The following GNG2 variants were observed in gnomAD, a reference collection of about 807,000 sequenced individuals.
GNG2 encodes G protein subunit gamma 2.
A neutral mutation model predicts 5.5 loss-of-function variants in GNG2; 5 were observed. The observed-to-expected ratio is 0.91, with a 90% CI of 0.48 to 1.92. The LOEUF is 1.92. Ranked by LOEUF, GNG2 falls within the 30% of genes most tolerant of loss-of-function variation. GNG2 has a pLI of 0.01. For synonymous variants in GNG2, 28 were observed against 32.0 expected (o/e 0.88, Z 0.42); for missense variants, 55 against 88.4 (o/e 0.62, Z 1.52).
Position 51,925,190 on chromosome 14 carries a change from T to C in GNG2, c.-29-25460T>C, listed in dbSNP as rs138632087. ...TATGCTAATTACCTTGATTTGATCA[T>C]TGCATGTTGTATACATGTATGAAAA... is the stretch of plus-strand genomic sequence containing the variant. On this transcript the variant is annotated intron_variant, in intron 2 of 3. Coordinates refer to ENST00000556766, the MANE Select transcript of GNG2 (RefSeq NM_053064.5). Among the ~76,000 whole-genome samples, 240 of 152,356 alleles carry C rather than the reference T, an allele frequency of 1.6e-3. 2 individuals are homozygous for C. Among genetic ancestry groups the C allele is most frequent in the African/African-American group, 5.5e-3 (229 of 41,586 alleles).
chr14:51,951,671 A>G (rs557607276), intron 3 of GNG2, among the ~76,000 whole-genome samples: 1 of 152,342 alleles, frequency 6.6e-6, no homozygotes, highest in Non-Finnish European at 1.5e-5. Context: ...CACCTGGGCA[A>G]TCCAGCTGTC....
chr14:51,828,582 T>C (rs2140068592), intron 2 of GNG2, among the ~76,000 whole-genome samples: 1 of 152,120 alleles, frequency 6.6e-6, no homozygotes, highest in Admixed American at 6.5e-5. Flanking sequence ...TTATGATATC[T>C]GTCTGACTCA....
chr14:51,848,884 T>A (rs11621139), intron 2 of GNG2, among the ~76,000 whole-genome samples: 1 of 152,190 alleles, frequency 6.6e-6, no homozygotes, highest in East Asian at 1.9e-4. Flanking sequence ...GACCTCACTT[T>A]CTACCCGCTG....
intron 2 of GNG2, among the ~76,000 whole-genome samples, chr14:51,895,848 A>C (rs117523159): frequency 0.028 from 4,292 of 152,282 alleles, 226 homozygotes; most frequent in East Asian, 0.2. Context: ...TGGGTCCCAC[A>C]AGATCTGATG....
At chr14:51,855,776 G>T (rs1157830903), upstream of GNG2, among the ~76,000 whole-genome samples, 1 of 152,104 alleles carries the variant, frequency 6.6e-6, no homozygotes, top group Admixed American at 6.5e-5. Context: ...ACAGCTGATG[G>T]CTCCTTTCTG....
intron 2 of GNG2, among the ~76,000 whole-genome samples, chr14:51,891,551 C>G (rs1294981727): frequency 2.0e-5 from 3 of 152,210 alleles, no homozygotes; most frequent in Non-Finnish European, 2.9e-5. Flanking sequence ...ATGCTTCTCT[C>G]CAATTCCATC....
chr14:51,886,777 G>A (rs953682331), intron 2 of GNG2, among the ~76,000 whole-genome samples: 13 of 152,110 alleles, frequency 8.5e-5, no homozygotes, highest in Non-Finnish European at 1.6e-4. Context: ...TATTCTGATC[G>A]CCTGCTCATG....
chr14:51,827,900 C>T, intron 2 of GNG2: 1 of 606,278 alleles, frequency 1.6e-6, no homozygotes, highest in Non-Finnish European at 2.9e-6. Flanking sequence ...GAGTAAAGAG[C>T]TTGGAGAGAG....
At chr14:51,847,415 T>G (rs1228811962) in intron 2 of GNG2, 5 of 152,284 alleles carry the variant, frequency 3.3e-5, no homozygotes, top group Admixed American at 6.5e-5. Context: ...CCTCTTGGTT[T>G]GGGTGGGGGC....
chr14:51,890,220 G>A (rs1884758498), intron 2 of GNG2, among the ~76,000 whole-genome samples: 1 of 152,154 alleles, frequency 6.6e-6, no homozygotes, highest in Admixed American at 6.5e-5. Flanking sequence ...CCGCTCAACT[G>A]CTGTGAATCA....
At chr14:51,864,968 C>A (rs991436516) in intron 1 of GNG2, among the ~76,000 whole-genome samples, 2 of 152,260 alleles carry the variant, frequency 1.3e-5, no homozygotes, top group Non-Finnish European at 2.9e-5. Context: ...ACAGATTTTA[C>A]TCCTAATCCT....
At chr14:51,881,701 CTTTTTTTTTTTT>C (rs58544362) in intron 2 of GNG2, among the ~76,000 whole-genome samples, 3 of 104,222 alleles carry the variant, frequency 2.9e-5, no homozygotes, top group Non-Finnish European at 5.6e-5. Flanking sequence ...AGCTGGAAGA[CTTTTTTTTTTTT>C]TTTTTTTTTT....
chr14:51,872,923 AT>A (rs1035259843), intron 1 of GNG2, among the ~76,000 whole-genome samples: 7 of 152,198 alleles, frequency 4.6e-5, no homozygotes, highest in Non-Finnish European at 8.8e-5. Flanking sequence ...GTACCCACAG[AT>A]TTAGGCTGTT....
chr14:51,853,205 TAACA>T (rs1157117803), intron 2 of GNG2, among the ~76,000 whole-genome samples: 2 of 152,208 alleles, frequency 1.3e-5, no homozygotes, highest in Non-Finnish European at 2.9e-5. Flanking sequence ...CAGTTAAAGT[TAACA>T]AACAAATACT....
intron 3 of GNG2, among the ~76,000 whole-genome samples, chr14:51,954,491 T>G (rs1044601905): frequency 7.9e-5 from 12 of 152,160 alleles, no homozygotes; most frequent in Middle Eastern, 3.2e-3. Context: ...CTTCAGTAAA[T>G]CTGTTTATTC....
rs1491190360 is a variant in GNG2, at chr14:51,911,873, T to TG, written c.-30+34216_-30+34217insG. Among the ~76,000 whole-genome samples the TG allele has an allele frequency of 7.9e-5, 11 of 139,054 alleles. 2 individuals are homozygous for TG. The highest frequency in any genetic ancestry group is 2.3e-4 in the South Asian group (1 of 4,368). 91.2% of individuals were successfully genotyped at this position (139,054 alleles called of 152,430 possible). A position where few individuals can be genotyped will look rare whatever the true frequency, so the allele number is the denominator to read the frequency against. On this transcript the variant is annotated intron_variant, in intron 2 of 3. Transcript: ENST00000556766. ...CTGATAGCCTTTTCTTATGTTTTTTTTTTTTGTTGTTATTGTTAGATTAAA... is the reference window on the plus strand; with the variant it reads ...CTGATAGCCTTTTCTTATGTTTTTTTGTTTTTGTTGTTATTGTTAGATTAAA...
chr14:51,953,163 C>T (rs1443272227), intron 3 of GNG2, among the ~76,000 whole-genome samples: 1 of 152,152 alleles, frequency 6.6e-6, no homozygotes, highest in East Asian at 1.9e-4. Context: ...TTATTAGGTC[C>T]TTTAAAAAGT....
chr14:51,841,500 T>C, intron 2 of GNG2: 1 of 701,826 alleles, frequency 1.4e-6, no homozygotes, highest in Non-Finnish European at 2.6e-6. Flanking sequence ...TCTCTCCATT[T>C]TACAGACAAG....
At chr14:51,845,391 G>A (rs898859413) in intron 2 of GNG2, among the ~76,000 whole-genome samples, 2 of 152,206 alleles carry the variant, frequency 1.3e-5, no homozygotes, top group South Asian at 4.1e-4. Context: ...TTACTCAGGA[G>A]GCTGAGGTGG....
Sources: gnomAD v4.1 joint callset for allele counts (sites outside exome capture counted in the v4.1 genomes callset) on GRCh38, gnomAD v4.1.1 for gene constraint, MANE v1.5 for transcripts, NCBI Gene and HGNC (gene_info 2026-07-23, HGNC 2026-07-21) for gene names.